SPECC1: variants seen among roughly 807,000 people sequenced by gnomAD.
The protein encoded by SPECC1 is sperm antigen with calponin homology and coiled-coil domains 1.
Under a neutral mutation model 104.1 loss-of-function variants are expected in SPECC1, and 62 were observed. The observed-to-expected ratio is 0.60, with a 90% CI of 0.49 to 0.74. SPECC1 has a LOEUF of 0.74. SPECC1 is among the 30% of genes least tolerant of loss of function. The probability of loss-of-function intolerance (pLI) is 0.00; values close to 1 mark genes in which losing one functional copy is unlikely to be tolerated. For synonymous variants in SPECC1, 513 were observed against 501.6 expected (o/e 1.02, Z -0.30); for missense variants, 1,306 against 1,310.5 (o/e 1.00, Z 0.05).
At chr17:20,061,584 A>T (rs991590594) in intron 1 of SPECC1, among the ~76,000 whole-genome samples, 10 of 152,236 alleles carry the variant, frequency 6.6e-5, no homozygotes, top group African/African-American at 1.9e-4. Flanking sequence ...ATAAACAAGT[A>T]AATCCCCTAG....
chr17:20,177,463 GATA>G (rs1317489104), intron 3 of SPECC1, among the ~76,000 whole-genome samples: 1 of 152,162 alleles, frequency 6.6e-6, no homozygotes, highest in Non-Finnish European at 1.5e-5. Flanking sequence ...GCTACTCAGA[GATA>G]ATGACTGTTG....
chr17:20,285,606 A>T (rs1245881571), intron 12 of SPECC1, among the ~76,000 whole-genome samples: 1 of 152,196 alleles, frequency 6.6e-6, no homozygotes, highest in Non-Finnish European at 1.5e-5. Context: ...GGGTAAAAAT[A>T]ATCAGCAAGT....
At chr17:20,181,193 C>T (rs1477811564) in intron 3 of SPECC1, among the ~76,000 whole-genome samples, 1 of 151,960 alleles carries the variant, frequency 6.6e-6, no homozygotes, top group Non-Finnish European at 1.5e-5. Flanking sequence ...AAAGTATAAT[C>T]TTAGATGCTT....
At chr17:20,307,472 TCTTTCC>T (rs990346088) in intron 14 of SPECC1, among the ~76,000 whole-genome samples, 6 of 152,206 alleles carry the variant, frequency 3.9e-5, no homozygotes, top group African/African-American at 1.4e-4. Flanking sequence ...GTGCCTCCTA[TCTTTCC>T]CTTTAAAGAA....
At chr17:20,228,837 C>G (rs779514726) in intron 5 of SPECC1, among the ~76,000 whole-genome samples, 1 of 152,192 alleles carries the variant, frequency 6.6e-6, no homozygotes, top group Non-Finnish European at 1.5e-5. Flanking sequence ...ATTATCACAT[C>G]TAATGTGTTT....
chr17:20,032,704 T>G (rs1387459871), intron 1 of SPECC1, among the ~76,000 whole-genome samples: 2 of 152,074 alleles, frequency 1.3e-5, no homozygotes, highest in African/African-American at 4.8e-5. Context: ...ATCACGCTTT[T>G]CTTTAATTCT....
chr17:20,222,947 T>C (rs1471707950), intron 4 of SPECC1, among the ~76,000 whole-genome samples: 1 of 152,210 alleles, frequency 6.6e-6, no homozygotes, highest in Non-Finnish European at 1.5e-5. Flanking sequence ...CCTTTGTTTC[T>C]TTTTTCTTGC....
chr17:20,262,882 G>A (rs2040077104), intron 12 of SPECC1, among the ~76,000 whole-genome samples: 1 of 152,048 alleles, frequency 6.6e-6, no homozygotes, highest in South Asian at 2.1e-4. Flanking sequence ...TGTTAAAAAA[G>A]AAAAAGAATC....
At chr17:20,107,351 C>T (rs916210435) in intron 2 of SPECC1, among the ~76,000 whole-genome samples, 3 of 150,500 alleles carry the variant, frequency 2.0e-5, no homozygotes, top group African/African-American at 4.9e-5. Context: ...TGGCTCATAC[C>T]GATAATACCA....
intron 7 of SPECC1, among the ~76,000 whole-genome samples, chr17:20,234,396 C>A (rs2703776): frequency 0.42 from 64,494 of 151,996 alleles, 14,296 homozygotes; most frequent in East Asian, 0.8. Context: ...TCTGATTTTG[C>A]ACTTCTCTGG....
chr17:20,172,843 A>G (rs2151187688), intron 3 of SPECC1, among the ~76,000 whole-genome samples: 1 of 152,300 alleles, frequency 6.6e-6, no homozygotes, highest in African/African-American at 2.4e-5. Flanking sequence ...GATACAGGAG[A>G]GATCTTTGGT....
Position 20,205,886 on chromosome 17 carries a change from A to T in SPECC1, c.1837A>T (p.Lys613Ter). The T allele has an allele frequency of 6.2e-7, 1 of 1,612,376 alleles. No individual in the cohort carries two copies. Among genetic ancestry groups the T allele is most frequent in the South Asian group, 1.1e-5 (1 of 91,030 alleles). ...ATTACTAAAGGCAAACGGTGAAATT[A>T]AACATGTTTCCAGTCTGCTGGCCAA... is the stretch of plus-strand genomic sequence containing the variant. ...QELLKANGEI[K>*]HVSSLLAKVE... The change falls in exon 4 of 15, where the codon AAA (lysine) becomes TAA (stop). Residue 613 changes from lysine to a stop codon, truncating the protein, a stop_gained. Transcript: ENST00000395527. LOFTEE classifies it high-confidence loss of function.
In SPECC1 at chr17:20,247,234, A is replaced by C. The variant is rs758087097; in HGVS notation, c.2513A>C (p.Asn838Thr). The change falls in exon 9 of 15, where the codon AAT becomes ACT. Residue 838 changes from asparagine (N) to threonine (T), a missense_variant. Physicochemically the swap from Asn to Thr is moderately conservative, Grantham distance 65. Coordinates refer to ENST00000395527, the MANE Select transcript of SPECC1 (RefSeq NM_001243439.2). ...DLGRPGGAGQNISVHKTPRSP... is the reference protein window; with the variant it reads ...DLGRPGGAGQTISVHKTPRSP... The stretch of plus-strand genomic sequence containing the variant: ...TTCTTGGCAGGTGGAGCTGGACAGA[A>C]TATTTCTGTCCATAAGACCCCCAGA... 6.2e-7 allele frequency: 1 copy of C among 1,613,478 alleles called. No individual in the cohort carries two copies.
intron 4 of SPECC1, among the ~76,000 whole-genome samples, chr17:20,224,104 G>A (rs1013539839): frequency 6.6e-6 from 1 of 152,168 alleles, no homozygotes; most frequent in Non-Finnish European, 1.5e-5. Context: ...ACTCATTGAG[G>A]TATCACCTTG....
intron 1 of SPECC1, among the ~76,000 whole-genome samples, chr17:20,069,718 G>A (rs557043975): frequency 6.6e-6 from 1 of 152,160 alleles, no homozygotes; most frequent in South Asian, 2.1e-4. Context: ...GACATGGGAT[G>A]TCTGTTTATT....
chr17:20,072,919 G>A (rs1446067098), intron 1 of SPECC1, among the ~76,000 whole-genome samples: 1 of 152,032 alleles, frequency 6.6e-6, no homozygotes, highest in Non-Finnish European at 1.5e-5. Context: ...TTTTTTCTGG[G>A]CAGTGTATTT....
chr17:20,252,893 G>A (rs758955080), intron 9 of SPECC1, among the ~76,000 whole-genome samples: 5 of 152,170 alleles, frequency 3.3e-5, no homozygotes, highest in Non-Finnish European at 7.3e-5. Flanking sequence ...TAGAAGTGGT[G>A]TTGCTGGATC....
rs530280666 is a variant in SPECC1, at chr17:20,294,823, T to C, written c.2941-2138T>C. ...GAATAAGATATCTTTGAGCCTTTAA[T>C]GACTCTCCTGAGGGATGGACAGAAA... is the stretch of plus-strand genomic sequence containing the variant. On this transcript the variant is annotated intron_variant, in intron 12 of 14. Coordinates refer to ENST00000395527, the MANE Select transcript of SPECC1 (RefSeq NM_001243439.2). 2.0e-5 allele frequency among the ~76,000 whole-genome samples: 3 copies of C among 152,272 alleles called. No homozygotes were observed. The East Asian group carries it at 5.8e-4, about 29-fold the overall frequency.
intron 1 of SPECC1, among the ~76,000 whole-genome samples, chr17:20,083,759 A>G (rs2047071079): frequency 1.3e-5 from 2 of 152,210 alleles, no homozygotes; most frequent in African/African-American, 4.8e-5. Context: ...TAAATACTGA[A>G]GAGTGGGATT....
Sources: gnomAD v4.1 joint callset for allele counts (sites outside exome capture counted in the v4.1 genomes callset) on GRCh38, gnomAD v4.1.1 for gene constraint, MANE v1.5 for transcripts, NCBI Gene and HGNC (gene_info 2026-07-23, HGNC 2026-07-21) for gene names.